Variants in PAN3 observed in about 807,000 individuals in gnomAD.
PAN3 encodes the protein poly(A) specific ribonuclease subunit PAN3, also known as PAN2-PAN3 deadenylation complex subunit PAN3.
Under a neutral mutation model 96.2 loss-of-function variants are expected in PAN3, and 19 were observed. That is an observed-to-expected ratio of 0.20 (90% CI 0.14 to 0.29). The LOEUF (loss-of-function observed/expected upper bound fraction) is 0.29. PAN3 is among the 10% of genes least tolerant of loss of function. PAN3 has a pLI of 1.00. For missense variants in PAN3, 882 were observed against 1,108.1 expected (o/e 0.80, Z 2.90); for synonymous variants, 433 against 406.6 (o/e 1.06, Z -0.78).
rs773003671 is a variant in PAN3 at position 28,292,365 on chromosome 13, T to C, written c.2524-17T>C. The C allele has an allele frequency of 6.4e-6, 10 of 1,569,796 alleles. No individual in the cohort carries two copies. The highest frequency in any genetic ancestry group is 8.6e-6 in the Non-Finnish European group (10 of 1,160,286). ...TGCATGTTATGAATTTCATATTTTG[T>C]GTATATATTGTTTCAGCTAGATGCT... On this transcript the variant is annotated splice_polypyrimidine_tract_variant and intron_variant, in intron 18 of 18. Coordinates refer to ENST00000380958, the MANE Select transcript of PAN3 (RefSeq NM_175854.8).
chr13:28,279,076 A>G (rs1451713137), intron 15 of PAN3, among the ~76,000 whole-genome samples: 1 of 151,820 alleles, frequency 6.6e-6, no homozygotes, highest in Non-Finnish European at 1.5e-5. Flanking sequence ...CAAGCAGAAG[A>G]GTGAAGGAGT....
At chr13:28,283,920 A>G (rs1008962544) in intron 17 of PAN3, among the ~76,000 whole-genome samples, 18 of 151,996 alleles carry the variant, frequency 1.2e-4, no homozygotes, top group Non-Finnish European at 2.5e-4. Flanking sequence ...TATCCTATGG[A>G]TGTGTTATAG....
chr13:28,195,465 A>C (rs1424682479), intron 4 of PAN3, among the ~76,000 whole-genome samples: 2 of 152,102 alleles, frequency 1.3e-5, no homozygotes, highest in African/African-American at 4.8e-5. Context: ...TAGGCATTCT[A>C]GTTACCTTTC....
intron 1 of PAN3, among the ~76,000 whole-genome samples, chr13:28,154,564 G>T (rs1871842037): frequency 6.6e-6 from 1 of 152,004 alleles, no homozygotes; most frequent in East Asian, 1.9e-4. Flanking sequence ...GCACGATTTT[G>T]GCTCACTGCA....
rs151112899 is a variant in PAN3 at position 28,279,858 on chromosome 13, G to A, written c.2190-554G>A. On this transcript the variant is annotated intron_variant, in intron 15 of 18. Transcript: ENST00000380958. ...TTTGTTGCCCAGGCTGGAGTGCAGT[G>A]GTGCCATCTCAGCTCACTGCAGCCT... 6.9e-3 allele frequency among the ~76,000 whole-genome samples: 1,040 copies of A among 151,762 alleles called. 11 individuals are homozygous for A. The highest frequency in any genetic ancestry group is 0.024 in the African/African-American group (1,005 of 41,442).
At chr13:28,187,359 A>G (rs1305041421) in intron 4 of PAN3, among the ~76,000 whole-genome samples, 1 of 152,124 alleles carries the variant, frequency 6.6e-6, no homozygotes, top group Admixed American at 6.6e-5. Context: ...CACTCAAAAT[A>G]TTTTATTAAC....
intron 6 of PAN3, among the ~76,000 whole-genome samples, chr13:28,252,898 T>C (rs1884850905): frequency 6.6e-6 from 1 of 152,190 alleles, no homozygotes; most frequent in South Asian, 2.1e-4. Context: ...TGTAGTGCTC[T>C]GTTGATTGAG....
At chr13:28,273,919 A>C (rs1216724335) in intron 14 of PAN3, among the ~76,000 whole-genome samples, 1 of 152,242 alleles carries the variant, frequency 6.6e-6, no homozygotes, top group African/African-American at 2.4e-5. Flanking sequence ...AAAGAGAACA[A>C]AAAGGATAAA....
At chr13:28,216,190 G>C (rs1880734836) in intron 5 of PAN3, among the ~76,000 whole-genome samples, 1 of 145,314 alleles carries the variant, frequency 6.9e-6, no homozygotes. Flanking sequence ...TTAAAACAAA[G>C]TTTAGTGAGA....
intron 5 of PAN3, among the ~76,000 whole-genome samples, chr13:28,209,673 C>G (rs371670970): frequency 1.1e-4 from 16 of 152,066 alleles, no homozygotes; most frequent in African/African-American, 3.9e-4. Flanking sequence ...AGCTTTAATT[C>G]CTAGATGTGA....
At chr13:28,203,807 C>CTTTTTTTTTTTT (rs767439908) in intron 5 of PAN3, among the ~76,000 whole-genome samples, 3 of 139,844 alleles carry the variant, frequency 2.1e-5, no homozygotes, top group African/African-American at 2.6e-5. Context: ...TTTTTCTTTT[C>CTTTTTTTTTTTT]TTTTTTTTTT....
chr13:28,195,207 A>G (rs1223094305), intron 4 of PAN3, among the ~76,000 whole-genome samples: 1 of 152,114 alleles, frequency 6.6e-6, no homozygotes, highest in Admixed American at 6.5e-5. Context: ...GTTCCAGACC[A>G]GCCTGGGTGA....
chr13:28,277,828 C>T (rs1401071038), intron 15 of PAN3, among the ~76,000 whole-genome samples: 6 of 152,182 alleles, frequency 3.9e-5, no homozygotes, highest in Admixed American at 2.0e-4. Flanking sequence ...CATGAGTAAG[C>T]CTCAGGTGCA....
intron 12 of PAN3, among the ~76,000 whole-genome samples, chr13:28,269,092 A>G (rs1886406497): frequency 6.6e-6 from 1 of 152,140 alleles, no homozygotes; most frequent in Non-Finnish European, 1.5e-5. Flanking sequence ...GGGCTGTCTT[A>G]TGCATTTCAG....
At chr13:28,193,791 C>CT (rs202027470) in intron 4 of PAN3, among the ~76,000 whole-genome samples, 6 of 149,172 alleles carry the variant, frequency 4.0e-5, no homozygotes, top group African/African-American at 1.2e-4. Flanking sequence ...GAGCAACAAC[C>CT]TTTTTTTTCA....
rs1869097021 is a variant in PAN3, at chr13:28,138,589, TC to T, written c.-64del. On this transcript the variant is annotated 5_prime_UTR_variant, in exon 1 of 19. Coordinates refer to ENST00000380958, the MANE Select transcript of PAN3 (RefSeq NM_175854.8). The stretch of plus-strand genomic sequence containing the variant: ...CGGCACCGGCAGCGTCTTCCTTTCC[TC>T]CCCCGTCTATGGTGGTGGCGGCGGC... The T allele has an allele frequency of 2.4e-6, 1 of 417,894 alleles. No homozygotes were observed. 25.9% of individuals were successfully genotyped at this position (417,894 alleles called of 1,614,324 possible).
chr13:28,228,708 C>A (rs544999237), intron 6 of PAN3, among the ~76,000 whole-genome samples: 1 of 152,080 alleles, frequency 6.6e-6, no homozygotes, highest in Admixed American at 6.6e-5. Flanking sequence ...TATTAACATC[C>A]TATTGATGTT....
intron 1 of PAN3, among the ~76,000 whole-genome samples, chr13:28,171,475 A>G (rs959497148): frequency 2.6e-5 from 4 of 152,216 alleles, no homozygotes; most frequent in Admixed American, 6.5e-5. Context: ...AGTGACATGT[A>G]GCGGGTCCTC....
chr13:28,177,563 C>G (rs984090402), intron 3 of PAN3, among the ~76,000 whole-genome samples: 1 of 152,016 alleles, frequency 6.6e-6, no homozygotes, highest in Non-Finnish European at 1.5e-5. Flanking sequence ...GGTCAACTTA[C>G]TGCCTTCATA....
Sources: gnomAD v4.1 joint callset for allele counts (sites outside exome capture counted in the v4.1 genomes callset) on GRCh38, gnomAD v4.1.1 for gene constraint, MANE v1.5 for transcripts, NCBI Gene and HGNC (gene_info 2026-07-23, HGNC 2026-07-21) for gene names.